The following FBXO9 variants were observed in gnomAD, a reference collection of about 807,000 sequenced individuals.
The protein encoded by FBXO9 is F-box only protein 9.
FBXO9 carries 43 observed loss-of-function variants against 63.7 expected under a neutral mutation model. The ratio of observed to expected loss-of-function variants is 0.67; its 90% CI spans 0.53 to 0.87. FBXO9 has a LOEUF of 0.87. Among genes scored for constraint, FBXO9 ranks in the 40% least tolerant of loss-of-function variants. FBXO9 has a pLI of 0.00. For synonymous variants in FBXO9, 156 were observed against 171.7 expected (o/e 0.91, Z 0.72); for missense variants, 442 against 533.2 (o/e 0.83, Z 1.68).
intron 4 of FBXO9, among the ~76,000 whole-genome samples, 196 bp from the exon 5 acceptor site, chr6:53,078,603 A>C (rs773111560): frequency 6.6e-6 from 1 of 152,228 alleles, no homozygotes; most frequent in Non-Finnish European, 1.5e-5. Flanking sequence ...ACAACATCTT[A>C]AGTTTAGGGA....
intron 2 of FBXO9, 63 bp downstream of exon 2, chr6:53,071,206 G>T (rs1395417147): frequency 1.4e-5 from 21 of 1,452,038 alleles, no homozygotes; most frequent in South Asian, 2.5e-5. Context: ...TGCAGAAATT[G>T]ATCATAATCA....
chr6:53,087,519 G>T (rs2744451), intron 7 of FBXO9, among the ~76,000 whole-genome samples: 112,977 of 151,394 alleles, frequency 0.75, 42,819 homozygotes, highest in South Asian at 0.88. Context: ...GAAGGCAATG[G>T]TGTATGACCT....
chr6:53,078,472 G>A (rs1769195439), intron 4 of FBXO9, among the ~76,000 whole-genome samples: 1 of 151,948 alleles, frequency 6.6e-6, no homozygotes, highest in Non-Finnish European at 1.5e-5. Context: ...AAAGAGAGAA[G>A]TATTTTTGTT....
chr6:53,080,865 G>A, intron 5 of FBXO9, 103 bp from the exon 6 acceptor site: 2 of 1,287,390 alleles, frequency 1.6e-6, no homozygotes, highest in Non-Finnish European at 2.2e-6. Context: ...TAAGCTTTAG[G>A]TGACTTTTTG....
Position 53,078,889 on chromosome 6 carries a change from G to GAA in FBXO9, c.400_401dup (p.Asn134LysfsTer54). ...CGGTCTCCAGATGGTGATGGCGTTG[G>GAA]AAACAGCTAGTGCGTATATAATTTG... On this transcript the variant is annotated frameshift_variant, in exon 5 of 13. Coordinates refer to ENST00000323557, the MANE Select transcript of FBXO9 (RefSeq NM_033480.3). LOFTEE classifies it high-confidence loss of function. 1 of 1,612,170 alleles carries GAA rather than the reference G, an allele frequency of 6.2e-7. No homozygotes were observed. Among genetic ancestry groups the GAA allele is most frequent in the Non-Finnish European group, 8.5e-7 (1 of 1,178,272 alleles).
chr6:53,081,662 G>A (rs565314617), intron 6 of FBXO9, among the ~76,000 whole-genome samples: 1 of 152,328 alleles, frequency 6.6e-6, no homozygotes, highest in East Asian at 1.9e-4. Flanking sequence ...AGATCTAACA[G>A]GGTAAGTCTG....
intron 4 of FBXO9, 84 bp from the exon 5 acceptor site, chr6:53,078,715 C>A: frequency 2.0e-6 from 2 of 988,764 alleles, no homozygotes; most frequent in Non-Finnish European, 3.1e-6. Context: ...AGAAAGTTAC[C>A]AAATTAAACC....
Position 53,082,539 on chromosome 6 carries a change from T to C in FBXO9, c.574T>C (p.Trp192Arg). ...GGAGGTCCTGATGTACATCTTCCGA[T>C]GGGTGGTGTCTAGTGACTTGGACCT... ...PMEVLMYIFR[W>R]VVSSDLDLRS... Residue 192 changes from tryptophan to arginine, a missense_variant, in exon 7 of 13, where the codon TGG (tryptophan) becomes CGG (arginine). Physicochemically the swap from Trp to Arg is moderately radical, Grantham distance 101. Coordinates refer to ENST00000323557, the MANE Select transcript of FBXO9 (RefSeq NM_033480.3). The C allele has an allele frequency of 1.2e-6, 2 of 1,613,836 alleles. No homozygotes were observed. The highest frequency in any genetic ancestry group is 1.7e-6 in the Non-Finnish European group (2 of 1,179,754).
intron 7 of FBXO9, among the ~76,000 whole-genome samples, chr6:53,084,763 A>G (rs1175395675): frequency 6.6e-6 from 1 of 152,144 alleles, no homozygotes; most frequent in Non-Finnish European, 1.5e-5. Flanking sequence ...GTGGATAACA[A>G]CAGGTGTATT....
Position 53,098,404 on chromosome 6 carries a change from G to C in FBXO9, c.*574G>C, listed in dbSNP as rs138018941. 2.9e-4 allele frequency: 46 copies of C among 160,452 alleles called. No individual in the cohort carries two copies. The highest frequency in any genetic ancestry group is 1.1e-3 in the Middle Eastern group (1 of 948). 9.9% of individuals were successfully genotyped at this position (160,452 alleles called of 1,614,324 possible). ...TTGGATGGCCTTTTTAAAGTAACAGGATATTTAATAAGAGTCCTAGATAGC... is the reference window on the plus strand; with the variant it reads ...TTGGATGGCCTTTTTAAAGTAACAGCATATTTAATAAGAGTCCTAGATAGC... On this transcript the variant is annotated 3_prime_UTR_variant, in exon 13 of 13. Transcript: ENST00000323557.
chr6:53,087,299 G>A (rs1055467532), intron 7 of FBXO9, among the ~76,000 whole-genome samples: 2 of 140,820 alleles, frequency 1.4e-5, no homozygotes, highest in African/African-American at 2.7e-5. Flanking sequence ...CCGTGATCAT[G>A]CCACTGCACT....
intron 11 of FBXO9, chr6:53,094,799 A>G: frequency 2.3e-6 from 1 of 435,778 alleles, no homozygotes; most frequent in Non-Finnish European, 4.6e-6. Flanking sequence ...GCAGCCTGAG[A>G]GACAGAGAGA....
chr6:53,095,995 T>G (rs1312333355), intron 12 of FBXO9, among the ~76,000 whole-genome samples: 1 of 152,248 alleles, frequency 6.6e-6, no homozygotes, highest in East Asian at 1.9e-4. Flanking sequence ...AAAGCCATTT[T>G]AAAATACCAG....
chr6:53,070,913 C>A (rs1768893272), intron 1 of FBXO9, 144 bp from the exon 2 acceptor site: 1 of 1,365,174 alleles, frequency 7.3e-7, no homozygotes, highest in African/African-American at 1.5e-5. Context: ...TCAAGTGCCC[C>A]CTACAGCCTT....
At chr6:53,068,857 C>A (rs1768808813) in intron 1 of FBXO9, among the ~76,000 whole-genome samples, 2 of 151,950 alleles carry the variant, frequency 1.3e-5, no homozygotes, top group Non-Finnish European at 2.9e-5. Flanking sequence ...GCCATGTTGC[C>A]CAGCCTTGTC....
In FBXO9 at chr6:53,065,647, C is replaced by T; in HGVS notation, c.-143C>T. ...CCGCAGTTATTGCCGCTGCCTGGTG[C>T]GCTTCTCCGACCGAGAACTCTGCTA... On this transcript the variant is annotated 5_prime_UTR_variant, in exon 1 of 13. Coordinates refer to ENST00000323557, the MANE Select transcript of FBXO9 (RefSeq NM_033480.3). 1 of 996,274 alleles carries T rather than the reference C, an allele frequency of 1.0e-6. No homozygotes were observed. The highest frequency in any genetic ancestry group is 1.3e-6 in the Non-Finnish European group (1 of 755,202). The allele number at this position is 996,274 out of a possible 1,614,324, so 61.7% of individuals were successfully genotyped here. A position where few individuals can be genotyped will look rare whatever the true frequency, so the allele number is the denominator to read the frequency against.
At chr6:53,074,310 CA>C (rs1408171237) in intron 3 of FBXO9, among the ~76,000 whole-genome samples, 1 of 152,166 alleles carries the variant, frequency 6.6e-6, no homozygotes, top group Non-Finnish European at 1.5e-5. Flanking sequence ...TTGGCATTAC[CA>C]TGATGACTTA....
Position 53,098,650 on chromosome 6 carries a change from C to A in FBXO9, c.*820C>A, listed in dbSNP as rs2127501967. ...ATTGGTCTTTATATGTAGCCACAAA[C>A]ACTGACCTCATGTAGGCACCTTACC... On this transcript the variant is annotated 3_prime_UTR_variant, in exon 13 of 13. Transcript: ENST00000323557. The A allele has an allele frequency of 6.6e-6, 1 of 152,278 alleles. No homozygotes were observed. Among genetic ancestry groups the A allele is most frequent in the East Asian group, 1.9e-4 (1 of 5,176 alleles). The allele number at this position is 152,278 out of a possible 1,614,324, so 9.4% of individuals were successfully genotyped here.
chr6:53,076,341 A>G (rs542197692), intron 3 of FBXO9, 145 bp from the exon 4 acceptor site: 15 of 574,416 alleles, frequency 2.6e-5, no homozygotes, highest in African/African-American at 2.6e-4. Context: ...ATTTTTATGT[A>G]AAGTATGAGG....
Sources: gnomAD v4.1 joint callset for allele counts (sites outside exome capture counted in the v4.1 genomes callset) on GRCh38, gnomAD v4.1.1 for gene constraint, MANE v1.5 for transcripts, NCBI Gene and HGNC (gene_info 2026-07-23, HGNC 2026-07-21) for gene names.